Variants in MYO5B observed in about 807,000 individuals in gnomAD.
The protein encoded by MYO5B is unconventional myosin-Vb.
In MYO5B, 143 loss-of-function variants were observed where a neutral mutation model predicts 229.3. That is an observed-to-expected ratio of 0.62 (90% CI 0.54 to 0.72). MYO5B has a LOEUF of 0.72. Among genes scored for constraint, MYO5B ranks in the 30% least tolerant of loss-of-function variants. The probability of loss-of-function intolerance (pLI) is 0.00; values close to 1 mark genes in which losing one functional copy is unlikely to be tolerated. For synonymous variants in MYO5B, 918 were observed against 885.2 expected, an observed-to-expected ratio of 1.04 and a Z score of -0.66; for missense variants, 2,321 against 2,331.0, an observed-to-expected ratio of 1.00 and a Z score of 0.09.
intron 22 of MYO5B, among the ~76,000 whole-genome samples, chr18:49,893,055 T>C (rs2024733709): frequency 6.6e-6 from 1 of 152,202 alleles, no homozygotes; most frequent in South Asian, 2.1e-4. Flanking sequence ...GCTCCTCCAA[T>C]GAAGATTTTC....
intron 1 of MYO5B, among the ~76,000 whole-genome samples, chr18:50,103,624 C>T (rs1277629129): frequency 6.6e-6 from 1 of 152,200 alleles, no homozygotes; most frequent in East Asian, 1.9e-4. Context: ...TGGTGTGCAC[C>T]TGTGGCAGCT....
intron 14 of MYO5B, among the ~76,000 whole-genome samples, chr18:49,937,747 G>C (rs2025267363): frequency 6.6e-6 from 1 of 151,976 alleles, no homozygotes; most frequent in South Asian, 2.1e-4. Flanking sequence ...CGTTCGTATA[G>C]TGTGTGATTC....
At chr18:49,973,882 C>A (rs1215547148) in intron 10 of MYO5B, among the ~76,000 whole-genome samples, 2 of 152,210 alleles carry the variant, frequency 1.3e-5, no homozygotes, top group Non-Finnish European at 2.9e-5. Context: ...CAAATCTGCA[C>A]AGCCCTGGAC....
chr18:50,034,097 G>A (rs1178934300), intron 4 of MYO5B, among the ~76,000 whole-genome samples: 1 of 152,194 alleles, frequency 6.6e-6, no homozygotes, highest in South Asian at 2.1e-4. Flanking sequence ...TCCAAAGACT[G>A]AAAACTATTA....
At chr18:50,019,847 C>T (rs967861064) in intron 4 of MYO5B, among the ~76,000 whole-genome samples, 1 of 152,178 alleles carries the variant, frequency 6.6e-6, no homozygotes, top group African/African-American at 2.4e-5. Context: ...ATCTAAGGAT[C>T]CTTCCAGCTG....
At chr18:49,963,415 A>ATTTATTTATTT (rs1555647596) in intron 10 of MYO5B, among the ~76,000 whole-genome samples, 3 of 148,024 alleles carry the variant, frequency 2.0e-5, no homozygotes, top group African/African-American at 7.7e-5. Context: ...TTAATTAATT[A>ATTTATTTATTT]ATTTATTTAT....
At chr18:50,158,519 G>A (rs1222236904) in intron 1 of MYO5B, among the ~76,000 whole-genome samples, 3 of 152,116 alleles carry the variant, frequency 2.0e-5, no homozygotes, top group Admixed American at 2.0e-4. Flanking sequence ...GCTCTTACAT[G>A]TATTGCTCAT....
intron 4 of MYO5B, among the ~76,000 whole-genome samples, chr18:50,014,887 G>T (rs1020928943): frequency 2.6e-5 from 4 of 152,204 alleles, no homozygotes. Context: ...TCCCTTGAGG[G>T]ACTGATGCTC....
At chr18:50,116,392 C>T (rs1016229947) in intron 1 of MYO5B, among the ~76,000 whole-genome samples, 5 of 152,158 alleles carry the variant, frequency 3.3e-5, no homozygotes, top group Non-Finnish European at 7.3e-5. Flanking sequence ...GATGCTTGTT[C>T]CCCAAATCCA....
At chr18:49,902,500 G>C in intron 21 of MYO5B, 94 bp downstream of exon 21, 4 of 1,559,352 alleles carry the variant, frequency 2.6e-6, no homozygotes, top group Non-Finnish European at 3.5e-6. Flanking sequence ...TCGGGTCTTC[G>C]GCATGTGCAG....
chr18:49,836,307 A>C (rs2023986483), intron 38 of MYO5B, among the ~76,000 whole-genome samples: 1 of 152,234 alleles, frequency 6.6e-6, no homozygotes, highest in African/African-American at 2.4e-5. Flanking sequence ...TTTAAAGAAA[A>C]GGTTTTTCTT....
intron 9 of MYO5B, among the ~76,000 whole-genome samples, 183 bp from the exon 10 acceptor site, chr18:49,974,798 GACAC>G (rs10680505): frequency 6.9e-5 from 9 of 131,094 alleles, no homozygotes; most frequent in African/African-American, 2.5e-4. Context: ...CACACACACA[GACAC>G]ACACACACAC....
chr18:50,119,193 T>C (rs1474829987), intron 1 of MYO5B, among the ~76,000 whole-genome samples: 3 of 152,212 alleles, frequency 2.0e-5, no homozygotes, highest in African/African-American at 2.4e-5. Context: ...ATCTGGATTA[T>C]AACCAGCTCC....
chr18:49,891,523 A>T (rs1310638033), intron 22 of MYO5B, among the ~76,000 whole-genome samples: 1 of 152,198 alleles, frequency 6.6e-6, no homozygotes, highest in Non-Finnish European at 1.5e-5. Flanking sequence ...ACAGGCATTC[A>T]AACACCTGCT....
intron 10 of MYO5B, among the ~76,000 whole-genome samples, chr18:49,972,643 G>A (rs62098867): frequency 0.011 from 1,624 of 152,238 alleles, 14 homozygotes; most frequent in Non-Finnish European, 0.015. Context: ...AATACCGAAA[G>A]GTCAGTATTT....
intron 1 of MYO5B, among the ~76,000 whole-genome samples, chr18:50,070,289 G>A (rs894025835): frequency 6.6e-6 from 1 of 152,042 alleles, no homozygotes; most frequent in Non-Finnish European, 1.5e-5. Flanking sequence ...CTCCCAAAGT[G>A]CTGGGACTAC....
chr18:50,180,574 C>G (rs1017175965), intron 1 of MYO5B, among the ~76,000 whole-genome samples: 1 of 152,164 alleles, frequency 6.6e-6, no homozygotes, highest in Admixed American at 6.5e-5. Context: ...GCATTGTCAT[C>G]TTTTTAAATG....
chr18:49,913,531 A>C (rs988726470), intron 17 of MYO5B, among the ~76,000 whole-genome samples: 1 of 151,764 alleles, frequency 6.6e-6, no homozygotes, highest in Admixed American at 6.6e-5. Flanking sequence ...GCAGCCCCCC[A>C]CCCACTCTCA....
intron 35 of MYO5B, 30 bp downstream of exon 35, chr18:49,841,335 T>C: frequency 6.2e-7 from 1 of 1,600,370 alleles, no homozygotes; most frequent in East Asian, 2.2e-5. Context: ...GAAGCAGGAA[T>C]GCCTCCTGGG....
Sources: gnomAD v4.1 joint callset for allele counts (sites outside exome capture counted in the v4.1 genomes callset) on GRCh38, gnomAD v4.1.1 for gene constraint, MANE v1.5 for transcripts, NCBI Gene and HGNC (gene_info 2026-07-23, HGNC 2026-07-21) for gene names.